Variants in ZFAND3 observed in about 807,000 individuals in gnomAD.
ZFAND3 encodes zinc finger AN1-type containing 3, also known as AN1-type zinc finger protein 3.
In ZFAND3, 10 loss-of-function variants were observed where a neutral mutation model predicts 29.6. The observed-to-expected ratio is 0.34, with a 90% confidence interval of 0.21 to 0.57. The LOEUF (loss-of-function observed/expected upper bound fraction) is 0.57, where lower values mean the gene tolerates loss of function less well. Ranked by LOEUF, ZFAND3 falls within the 20% of genes least tolerant of loss-of-function variation. The pLI is 0.86. For missense variants in ZFAND3, 230 were observed against 304.5 expected, an observed-to-expected ratio of 0.76 and a Z score of 1.82; for synonymous variants, 128 against 112.6, an observed-to-expected ratio of 1.14 and a Z score of -0.87.
chr6:37,869,179 G>C (rs1292741576), intron 1 of ZFAND3, among the ~76,000 whole-genome samples: 1 of 152,004 alleles, frequency 6.6e-6, no homozygotes, highest in Non-Finnish European at 1.5e-5. Flanking sequence ...TTTATTTTTT[G>C]AGATGGAGTC....
chr6:37,982,574 CAT>C (rs1478839251), intron 2 of ZFAND3, among the ~76,000 whole-genome samples: 4 of 152,118 alleles, frequency 2.6e-5, no homozygotes, highest in South Asian at 4.1e-4. Flanking sequence ...ATACATTACA[CAT>C]GTGTTTACGA....
intron 1 of ZFAND3, among the ~76,000 whole-genome samples, chr6:37,848,751 G>A (rs1488198234): frequency 6.6e-6 from 1 of 152,094 alleles, no homozygotes; most frequent in Admixed American, 6.6e-5. Context: ...AAAAAACTTG[G>A]GAGGGTTGTG....
At chr6:37,851,147 G>A (rs1411309787) in intron 1 of ZFAND3, among the ~76,000 whole-genome samples, 1 of 147,152 alleles carries the variant, frequency 6.8e-6, no homozygotes. Flanking sequence ...TAATTTTATC[G>A]TTTTCTTTTT....
intron 1 of ZFAND3, among the ~76,000 whole-genome samples, chr6:37,883,348 G>A (rs1764931426): frequency 6.6e-6 from 1 of 152,190 alleles, no homozygotes; most frequent in South Asian, 2.1e-4. Flanking sequence ...TCCTAAGATA[G>A]TTTTATCTTA....
chr6:37,822,920 A>C lies in ZFAND3; in HGVS notation c.71+2904A>C, dbSNP rs1014939590. Among the ~76,000 whole-genome samples the C allele has an allele frequency of 2.0e-5, 3 of 152,170 alleles. No individual in the cohort carries two copies. In the East Asian group the frequency reaches 5.8e-4, roughly 29 times the overall value. On this transcript the variant is annotated intron_variant, in intron 1 of 5. Transcript: ENST00000287218. Reference sequence around the variant, plus strand: ...TTGGTAGATTGTGAAGGGTGATCACAATCTAGAGATAAGGCTGGGGAATTG... The same window carrying C: ...TTGGTAGATTGTGAAGGGTGATCACCATCTAGAGATAAGGCTGGGGAATTG...
chr6:37,846,463 T>C (rs1221346887), intron 1 of ZFAND3, among the ~76,000 whole-genome samples: 2 of 152,204 alleles, frequency 1.3e-5, no homozygotes, highest in Non-Finnish European at 2.9e-5. Context: ...ATTAAAGTTA[T>C]GAAGAAAGCC....
At chr6:37,857,852 C>T (rs553265632) in intron 1 of ZFAND3, among the ~76,000 whole-genome samples, 13 of 152,214 alleles carry the variant, frequency 8.5e-5, no homozygotes, top group Admixed American at 6.5e-4. Context: ...GTTGGTATGT[C>T]TAGAGAACTT....
At chr6:37,820,588 A>T (rs1395716473) in intron 1 of ZFAND3, among the ~76,000 whole-genome samples, 2 of 152,252 alleles carry the variant, frequency 1.3e-5, no homozygotes, top group South Asian at 4.1e-4. Context: ...GGGTAAAGTT[A>T]TAAGATTGTT....
At chr6:37,976,746 G>A (rs915730188) in intron 2 of ZFAND3, among the ~76,000 whole-genome samples, 2 of 152,120 alleles carry the variant, frequency 1.3e-5, no homozygotes, top group African/African-American at 4.8e-5. Context: ...CATGGTGGCA[G>A]GTGAGAAAGA....
chr6:38,144,555 G>A (rs1040907753), intron 5 of ZFAND3, among the ~76,000 whole-genome samples: 14 of 152,234 alleles, frequency 9.2e-5, no homozygotes, highest in Non-Finnish European at 1.5e-4. Flanking sequence ...AGACAGCAGC[G>A]TGCTGCCACC....
chr6:38,026,048 A>C (rs548467197), intron 2 of ZFAND3, among the ~76,000 whole-genome samples: 1 of 152,340 alleles, frequency 6.6e-6, no homozygotes, highest in South Asian at 2.1e-4. Context: ...ATAATATGTA[A>C]ATTGTATCTC....
At chr6:37,820,822 C>A (rs1763652617) in intron 1 of ZFAND3, among the ~76,000 whole-genome samples, 1 of 151,952 alleles carries the variant, frequency 6.6e-6, no homozygotes, top group Admixed American at 6.6e-5. Flanking sequence ...TGTGTTAAGG[C>A]GAAAAAAATG....
chr6:37,916,634 T>C (rs1264718639), intron 1 of ZFAND3, among the ~76,000 whole-genome samples: 4 of 152,208 alleles, frequency 2.6e-5, no homozygotes, highest in African/African-American at 9.6e-5. Flanking sequence ...TACTCTAGCC[T>C]GGTGACAGAG....
chr6:38,015,616 G>A lies in ZFAND3; in HGVS notation c.113-45977G>A, dbSNP rs185517159. 2.0e-5 allele frequency among the ~76,000 whole-genome samples: 3 copies of A among 152,306 alleles called. No homozygotes were observed. The East Asian group carries it at 5.8e-4, about 29-fold the overall frequency. ...TAGAACACTATGCAGCTATTAGCAA[G>A]GAATACATCTCAAAAACATGGTTGA... On this transcript the variant is annotated intron_variant, in intron 2 of 5. Transcript: ENST00000287218.
intron 4 of ZFAND3, among the ~76,000 whole-genome samples, chr6:38,110,227 G>A (rs1043410810): frequency 3.3e-5 from 5 of 152,078 alleles, no homozygotes; most frequent in African/African-American, 4.8e-5. Flanking sequence ...TTCAACAGAT[G>A]TGTTACTCCA....
intron 2 of ZFAND3, among the ~76,000 whole-genome samples, chr6:38,001,008 G>A (rs1762938376): frequency 6.6e-6 from 1 of 152,144 alleles, no homozygotes; most frequent in African/African-American, 2.4e-5. Context: ...TTCCTCTGAT[G>A]CACTGAATAA....
At chr6:37,849,954 C>T (rs1311370515) in intron 1 of ZFAND3, among the ~76,000 whole-genome samples, 2 of 152,182 alleles carry the variant, frequency 1.3e-5, no homozygotes, top group Non-Finnish European at 2.9e-5. Flanking sequence ...TTCCTCTGTG[C>T]TTCCTTCTGT....
At chr6:37,867,446 T>C (rs1367511793) in intron 1 of ZFAND3, among the ~76,000 whole-genome samples, 1 of 152,186 alleles carries the variant, frequency 6.6e-6, no homozygotes, top group Non-Finnish European at 1.5e-5. Context: ...ATTACCAATT[T>C]TTCTGCTGCA....
At chr6:38,001,124 T>TA (rs1224108793) in intron 2 of ZFAND3, among the ~76,000 whole-genome samples, 1 of 152,192 alleles carries the variant, frequency 6.6e-6, no homozygotes, top group Non-Finnish European at 1.5e-5. Flanking sequence ...AGGAGATTTT[T>TA]AAAAAATCTT....
Sources: gnomAD v4.1 joint callset for allele counts (sites outside exome capture counted in the v4.1 genomes callset) on GRCh38, gnomAD v4.1.1 for gene constraint, MANE v1.5 for transcripts, NCBI Gene and HGNC (gene_info 2026-07-23, HGNC 2026-07-21) for gene names.